Variants in EPHB2 observed in about 807,000 individuals in gnomAD.
The protein encoded by EPHB2 is ephrin type-B receptor 2.
EPHB2 carries 18 observed loss-of-function variants against 96.4 expected under a neutral mutation model. The observed-to-expected ratio is 0.19, with a 90% CI of 0.13 to 0.28. EPHB2 has a LOEUF of 0.28. EPHB2 is among the 10% of genes least tolerant of loss of function. The probability of loss-of-function intolerance (pLI) is 1.00; values close to 1 mark genes in which losing one functional copy is unlikely to be tolerated. For synonymous variants in EPHB2, 506 were observed against 534.1 expected (o/e 0.95, Z 0.72); for missense variants, 989 against 1,355.4 (o/e 0.73, Z 4.25).
At chr1:22,831,770 A>G (rs1645307369) in intron 3 of EPHB2, among the ~76,000 whole-genome samples, 1 of 152,024 alleles carries the variant, frequency 6.6e-6, no homozygotes, top group Non-Finnish European at 1.5e-5. Context: ...CTTCCTCAGA[A>G]AGGTGTGAAA....
At chr1:22,882,203 C>A (rs1442370636) in intron 5 of EPHB2, among the ~76,000 whole-genome samples, 156 bp from the exon 6 acceptor site, 1 of 152,164 alleles carries the variant, frequency 6.6e-6, no homozygotes. Context: ...CCCTCTGCCC[C>A]CTGTCGGCTC....
At chr1:22,745,994 A>C (rs1483673432) in intron 1 of EPHB2, among the ~76,000 whole-genome samples, 1 of 152,200 alleles carries the variant, frequency 6.6e-6, no homozygotes, top group Non-Finnish European at 1.5e-5. Flanking sequence ...TAACTTCTCT[A>C]TATGCCAGCA....
At chr1:22,759,141 C>T (rs1369971526) in intron 1 of EPHB2, among the ~76,000 whole-genome samples, 1 of 152,140 alleles carries the variant, frequency 6.6e-6, no homozygotes, top group South Asian at 2.1e-4. Context: ...CCTCTCGGAA[C>T]ATTTTCCCCA....
intron 9 of EPHB2, among the ~76,000 whole-genome samples, chr1:22,900,559 T>C (rs1557745465): frequency 6.6e-6 from 1 of 152,172 alleles, no homozygotes. Flanking sequence ...GCTGGCATCC[T>C]GTGCTGGCTC....
intron 14 of EPHB2, among the ~76,000 whole-genome samples, chr1:22,911,596 G>C (rs1640107698): frequency 6.6e-6 from 1 of 152,182 alleles, no homozygotes; most frequent in African/African-American, 2.4e-5. Flanking sequence ...CCATGAGGCA[G>C]CAGCTCTCCT....
intron 3 of EPHB2, among the ~76,000 whole-genome samples, chr1:22,853,166 C>T (rs1369350074): frequency 6.6e-6 from 1 of 152,204 alleles, no homozygotes; most frequent in Admixed American, 6.5e-5. Context: ...CTGGCTAACA[C>T]AGTGAAATCC....
intron 9 of EPHB2, among the ~76,000 whole-genome samples, chr1:22,901,966 C>T (rs967791348): frequency 1.3e-5 from 2 of 151,920 alleles, no homozygotes; most frequent in African/African-American, 4.8e-5. Context: ...GCTGGGATCA[C>T]AAGCCTGCAC....
At chr1:22,893,181 T>C in intron 7 of EPHB2, 135 bp downstream of exon 7, 1 of 1,389,844 alleles carries the variant, frequency 7.2e-7, no homozygotes, top group Non-Finnish European at 1.0e-6. Flanking sequence ...CCTCCCTCCC[T>C]CCTAATTTCG....
chr1:22,895,528 G>T lies in EPHB2; in HGVS notation c.1648G>T (p.Ala550Ser), dbSNP rs144480560. 4 of 1,614,226 alleles carry T rather than the reference G, an allele frequency of 2.5e-6. No homozygotes were observed. Among genetic ancestry groups the T allele is most frequent in the South Asian group, 2.2e-5 (2 of 91,088 alleles). Residue 550 changes from alanine to serine, a missense_variant, in exon 8 of 16, where the codon GCT (alanine) becomes TCT (serine). Physicochemically the swap from Ala to Ser is moderately conservative, Grantham distance 99. Transcript: ENST00000374630. ...GCCACTCATCATCGGCTCCTCGGCC[G>T]CTGGCCTGGTCTTCCTCATTGCTGT... ...KLPLIIGSSA[A>S]GLVFLIAVVV...
intron 3 of EPHB2, among the ~76,000 whole-genome samples, chr1:22,849,763 A>G (rs1645597309): frequency 6.6e-6 from 1 of 151,842 alleles, no homozygotes; most frequent in Non-Finnish European, 1.5e-5. Context: ...TCTTGGATTG[A>G]AAAAAAACAA....
intron 9 of EPHB2, 123 bp from the exon 10 acceptor site, chr1:22,905,864 G>A: frequency 6.7e-7 from 1 of 1,491,734 alleles, no homozygotes; most frequent in Middle Eastern, 2.3e-4. Context: ...GCAGGGAGTT[G>A]CCCAGTTCTT....
rs1317044950 is a variant in EPHB2 at position 22,811,400 on chromosome 1, C to T, written c.811+26324C>T. On this transcript the variant is annotated intron_variant, in intron 3 of 15. Transcript: ENST00000374630. ...ACTCCATCAGTCCCCACCATACTTA[C>T]GATGTCCAGGCCAGGTTTAGGCAGA... Among the ~76,000 whole-genome samples the T allele has an allele frequency of 5.3e-5, 8 of 152,334 alleles. No homozygotes were observed. The East Asian group carries it at 5.8e-4, about 11-fold the overall frequency.
chr1:22,901,305 G>C (rs994293364), intron 9 of EPHB2, among the ~76,000 whole-genome samples: 1 of 152,044 alleles, frequency 6.6e-6, no homozygotes, highest in African/African-American at 2.4e-5. Context: ...TATACCCATC[G>C]GGTAGGTGAA....
At chr1:22,714,557 T>G (rs1643243784) in intron 1 of EPHB2, among the ~76,000 whole-genome samples, 1 of 151,902 alleles carries the variant, frequency 6.6e-6, no homozygotes, top group South Asian at 2.1e-4. Flanking sequence ...GGGAGTGGGG[T>G]GGTCAGGTCC....
chr1:22,827,929 A>G (rs900271039), intron 3 of EPHB2, among the ~76,000 whole-genome samples: 1 of 152,258 alleles, frequency 6.6e-6, no homozygotes, highest in Non-Finnish European at 1.5e-5. Context: ...CGTGAGGGAC[A>G]TGCACAGTGA....
At chr1:22,749,203 T>C (rs1277968290) in intron 1 of EPHB2, among the ~76,000 whole-genome samples, 1 of 152,004 alleles carries the variant, frequency 6.6e-6, no homozygotes, top group East Asian at 1.9e-4. Context: ...GTATTTTTAA[T>C]AGAGGCAGGG....
intron 3 of EPHB2, among the ~76,000 whole-genome samples, chr1:22,796,509 C>T (rs1337848405): frequency 1.3e-5 from 2 of 152,214 alleles, no homozygotes; most frequent in Non-Finnish European, 2.9e-5. Context: ...GAGTGCACGG[C>T]CATTTCCATC....
At chr1:22,741,696 A>AAAC (rs55743842) in intron 1 of EPHB2, among the ~76,000 whole-genome samples, 3 of 137,300 alleles carry the variant, frequency 2.2e-5, no homozygotes, top group Admixed American at 7.7e-5. Flanking sequence ...AAACAAAAAA[A>AAAC]CAAAAAACCT....
At chr1:22,723,264 C>T (rs1165004135) in intron 1 of EPHB2, among the ~76,000 whole-genome samples, 1 of 152,266 alleles carries the variant, frequency 6.6e-6, no homozygotes, top group Non-Finnish European at 1.5e-5. Flanking sequence ...GAGGCAGAGC[C>T]TGGGAACAGC....
Sources: gnomAD v4.1 joint callset for allele counts (sites outside exome capture counted in the v4.1 genomes callset) on GRCh38, gnomAD v4.1.1 for gene constraint, MANE v1.5 for transcripts, NCBI Gene and HGNC (gene_info 2026-07-23, HGNC 2026-07-21) for gene names.